SP1: variants seen among roughly 807,000 people sequenced by gnomAD.
SP1 encodes the protein transcription factor Sp1.
A neutral mutation model predicts 66.3 loss-of-function variants in SP1; 6 were observed. The observed-to-expected ratio is 0.09, with a 90% CI of 0.05 to 0.18. SP1 has a LOEUF of 0.18. Among genes scored for constraint, SP1 ranks in the 10% least tolerant of loss-of-function variants. The probability of loss-of-function intolerance (pLI) is 1.00; values close to 1 mark genes in which losing one functional copy is unlikely to be tolerated. For missense variants in SP1, 848 were observed against 964.5 expected, an observed-to-expected ratio of 0.88 and a Z score of 1.60; for synonymous variants, 417 against 360.8, an observed-to-expected ratio of 1.16 and a Z score of -1.77.
chr12:53,385,686 G>A lies in SP1; in HGVS notation c.1675+2064G>A, dbSNP rs192361736. Among the ~76,000 whole-genome samples the A allele has an allele frequency of 7.8e-3, 1,181 of 152,104 alleles. 13 individuals carry two copies. Among genetic ancestry groups the A allele is most frequent in the African/African-American group, 0.027 (1,121 of 41,494 alleles). ...TCCCAGCACTTTGGGAGGCCGAGGT[G>A]AACAGATCATGAGGTCAGGAGTTCA... On this transcript the variant is annotated intron_variant, in intron 3 of 5. Coordinates refer to ENST00000327443, the MANE Select transcript of SP1 (RefSeq NM_138473.3).
intron 3 of SP1, among the ~76,000 whole-genome samples, chr12:53,405,139 A>C (rs1196571878): frequency 6.6e-6 from 1 of 151,716 alleles, no homozygotes; most frequent in Non-Finnish European, 1.5e-5. Context: ...GTGAGCTACC[A>C]TGCCCAGCCT....
At chr12:53,397,024 T>C (rs1419635717) in intron 3 of SP1, among the ~76,000 whole-genome samples, 1 of 152,138 alleles carries the variant, frequency 6.6e-6, no homozygotes, top group Non-Finnish European at 1.5e-5. Context: ...CTGTTTTGTT[T>C]TTTGTTTTGA....
In SP1 at chr12:53,380,261, A is replaced by G. The variant is rs767096005; in HGVS notation, c.-31A>G. On this transcript the variant is annotated 5_prime_UTR_variant, in exon 1 of 6. Coordinates refer to ENST00000327443, the MANE Select transcript of SP1 (RefSeq NM_138473.3). Reference sequence around the variant, plus strand: ...GCCCCCCCCAACCCCCCCGGACAGGACCCCCTTGAGCTTGTCCCTCAGCTG... The same window carrying G: ...GCCCCCCCCAACCCCCCCGGACAGGGCCCCCTTGAGCTTGTCCCTCAGCTG... The G allele has an allele frequency of 1.7e-5, 10 of 581,244 alleles. No homozygotes were observed. Among genetic ancestry groups the G allele is most frequent in the South Asian group, 2.8e-5 (2 of 70,714 alleles). 36.0% of individuals were successfully genotyped at this position (581,244 alleles called of 1,614,324 possible).
chr12:53,381,502 C>T (rs1938096355), intron 1 of SP1, 157 bp from the exon 2 acceptor site: 3 of 599,170 alleles, frequency 5.0e-6, no homozygotes, highest in South Asian at 4.6e-5. Context: ...CCTGCATGCC[C>T]TGCAGCTCCC....
intron 3 of SP1, among the ~76,000 whole-genome samples, chr12:53,390,301 C>T (rs1938319917): frequency 2.0e-5 from 3 of 152,176 alleles, no homozygotes; most frequent in Admixed American, 1.3e-4. Context: ...GATATCAGCA[C>T]AGAAAGATAT....
intron 3 of SP1, among the ~76,000 whole-genome samples, chr12:53,405,799 G>C (rs1938720678): frequency 6.6e-6 from 1 of 152,010 alleles, no homozygotes; most frequent in South Asian, 2.1e-4. Context: ...TCAACTTTTG[G>C]TAATCTGATA....
intron 3 of SP1, among the ~76,000 whole-genome samples, chr12:53,398,471 C>T (rs1295032635): frequency 2.0e-5 from 3 of 152,076 alleles, no homozygotes; most frequent in African/African-American, 7.2e-5. Context: ...TTAGTAGAGA[C>T]AGGGTTTCAC....
intron 3 of SP1, among the ~76,000 whole-genome samples, chr12:53,393,833 G>A (rs1165000509): frequency 6.6e-6 from 1 of 151,570 alleles, no homozygotes. Context: ...CCTGACCTCA[G>A]GTGATCCACC....
In SP1 at chr12:53,380,247, C is replaced by G; in HGVS notation, c.-45C>G. 1 of 1,278,088 alleles carries G rather than the reference C, an allele frequency of 7.8e-7. No individual in the cohort carries two copies. Among genetic ancestry groups the G allele is most frequent in the Non-Finnish European group, 1.1e-6 (1 of 882,490 alleles). The allele number at this position is 1,278,088 out of a possible 1,614,324, so 79.2% of individuals were successfully genotyped here. On this transcript the variant is annotated 5_prime_UTR_variant, in exon 1 of 6. Coordinates refer to ENST00000327443, the MANE Select transcript of SP1 (RefSeq NM_138473.3). Reference sequence around the variant, plus strand: ...CCGCGTTTTTCCCGGCCCCCCCCAACCCCCCCGGACAGGACCCCCTTGAGC... The same window carrying G: ...CCGCGTTTTTCCCGGCCCCCCCCAAGCCCCCCGGACAGGACCCCCTTGAGC...
chr12:53,393,891 A>G (rs1350941306), intron 3 of SP1, among the ~76,000 whole-genome samples: 3 of 151,470 alleles, frequency 2.0e-5, no homozygotes, highest in African/African-American at 7.3e-5. Flanking sequence ...GGTGTGAGCC[A>G]CTGTGCCCAG....
At chr12:53,400,087 G>T (rs1487985026) in intron 3 of SP1, among the ~76,000 whole-genome samples, 5 of 152,100 alleles carry the variant, frequency 3.3e-5, no homozygotes, top group Non-Finnish European at 7.3e-5. Context: ...ATATTCACAG[G>T]ATTGTGCAAC....
intron 1 of SP1, chr12:53,381,392 C>T (rs1481672579): frequency 3.4e-6 from 1 of 290,282 alleles, no homozygotes; most frequent in African/African-American, 2.2e-5. Context: ...CCGTCCTTCA[C>T]ATTTCCTATC....
intron 4 of SP1, among the ~76,000 whole-genome samples, chr12:53,408,170 T>G (rs1938790600): frequency 7.2e-6 from 1 of 138,882 alleles, no homozygotes; most frequent in South Asian, 2.4e-4. Context: ...TGCTCGAACT[T>G]GGGAGGTGGA....
At chr12:53,380,552 A>T in intron 1 of SP1, 2 of 662,642 alleles carry the variant, frequency 3.0e-6, no homozygotes, top group Non-Finnish European at 3.9e-6. Context: ...CGCCCCGGCC[A>T]CGGGGGACGG....
chr12:53,385,587 T>TC (rs1938209678), intron 3 of SP1, among the ~76,000 whole-genome samples: 1 of 139,502 alleles, frequency 7.2e-6, no homozygotes, highest in South Asian at 2.2e-4. Context: ...AGAGCGAGAC[T>TC]CCGTCTCAAA....
intron 3 of SP1, among the ~76,000 whole-genome samples, chr12:53,389,268 G>A (rs998013704): frequency 3.5e-5 from 5 of 144,286 alleles, no homozygotes; most frequent in Admixed American, 7.3e-5. Context: ...GTTGCCCAGG[G>A]TGGAGTCCAA....
Position 53,397,163 on chromosome 12 carries a change from C to T in SP1, c.1676-9422C>T, listed in dbSNP as rs574595291. Among the ~76,000 whole-genome samples the T allele has an allele frequency of 3.3e-5, 5 of 151,914 alleles. No homozygotes were observed. In the East Asian group the frequency reaches 5.8e-4, roughly 18 times the overall value. ...AGTAACTGGGACTACAGGCGCCTGC[C>T]ACCACGCCTGGCTAATTTTTGTATT... On this transcript the variant is annotated intron_variant, in intron 3 of 5. Coordinates refer to ENST00000327443, the MANE Select transcript of SP1 (RefSeq NM_138473.3).
chr12:53,382,560 C>G lies in SP1; in HGVS notation c.613C>G (p.Gln205Glu). The G allele has an allele frequency of 6.2e-7, 1 of 1,614,162 alleles. No homozygotes were observed. The highest frequency in any genetic ancestry group is 8.5e-7 in the Non-Finnish European group (1 of 1,180,018). ...QVQQDGSGQI[Q>E]IIPGANQQII... The stretch of plus-strand genomic sequence containing the variant: ...GCAGCAGGATGGTTCTGGTCAAATA[C>G]AGATCATACCAGGTGCAAACCAACA... The change falls in exon 3 of 6, where the codon CAG (glutamine) becomes GAG (glutamate). Residue 205 changes from glutamine (Q) to glutamate (E), a missense_variant. This residue lies in a region of SP1 where 606 missense variants were observed against 589.9 expected (regional missense o/e 1.03). Transcript: ENST00000327443.
chr12:53,407,625 A>G lies in SP1; in HGVS notation c.1844+872A>G, dbSNP rs538491391. On this transcript the variant is annotated intron_variant, in intron 4 of 5. Transcript: ENST00000327443. ...AGACGTGAGCCACTGCACCTGGCCA[A>G]AAAAATTTATTTATTTATTTTTTTG... Among the ~76,000 whole-genome samples, 389 of 142,742 alleles carry G rather than the reference A, an allele frequency of 2.7e-3. 1 individual carries two copies. Among genetic ancestry groups the G allele is most frequent in the Non-Finnish European group, 4.1e-3 (266 of 65,272 alleles). The allele number at this position is 142,742 out of a possible 152,430, so 93.6% of individuals were successfully genotyped here.
Sources: allele counts gnomAD v4.1 joint callset (sites outside exome capture counted in the v4.1 genomes callset), GRCh38; gene constraint gnomAD v4.1.1; regional missense constraint gnomAD v4.1.1; transcripts MANE v1.5; gene names NCBI Gene and HGNC (gene_info 2026-07-23, HGNC 2026-07-21).